EPC2: variants seen among roughly 807,000 people sequenced by gnomAD.
EPC2 encodes the protein enhancer of polycomb homolog 2.
EPC2 carries 14 observed loss-of-function variants against 92.1 expected under a neutral mutation model. That is an observed-to-expected ratio of 0.15 (90% CI 0.10 to 0.24). The LOEUF (loss-of-function observed/expected upper bound fraction) is 0.24. Ranked by LOEUF, EPC2 falls within the 10% of genes least tolerant of loss-of-function variation. EPC2 has a pLI of 1.00. For missense variants in EPC2, 755 were observed against 971.5 expected (o/e 0.78, Z 2.96); for synonymous variants, 340 against 334.7 (o/e 1.02, Z -0.17).
intron 1 of EPC2, among the ~76,000 whole-genome samples, chr2:148,674,578 C>T (rs1030835443): frequency 6.6e-6 from 1 of 152,168 alleles, no homozygotes; most frequent in African/African-American, 2.4e-5. Context: ...TCAGTGGACC[C>T]CAGGTATCCA....
At chr2:148,702,823 A>T (rs1027917621) in intron 2 of EPC2, among the ~76,000 whole-genome samples, 2 of 147,940 alleles carry the variant, frequency 1.4e-5, no homozygotes, top group African/African-American at 5.0e-5. Flanking sequence ...ACACTATGAG[A>T]TTTTTTTTTT....
At chr2:148,741,847 CTCCTTT>C (rs1431782716) in intron 2 of EPC2, among the ~76,000 whole-genome samples, 1 of 152,150 alleles carries the variant, frequency 6.6e-6, no homozygotes, top group African/African-American at 2.4e-5. Flanking sequence ...CTGTGAACCC[CTCCTTT>C]TGTAGTCCCC....
In EPC2 at chr2:148,753,853, T is replaced by C. The variant is rs893629049; in HGVS notation, c.460-74T>C. 3 of 1,328,526 alleles carry C rather than the reference T, an allele frequency of 2.3e-6. No homozygotes were observed. In the African/African-American group the frequency reaches 4.4e-5, roughly 20 times the overall value. The allele number at this position is 1,328,526 out of a possible 1,614,324, so 82.3% of individuals were successfully genotyped here. A position where few individuals can be genotyped will look rare whatever the true frequency, so the allele number is the denominator to read the frequency against. Reference sequence around the variant, plus strand: ...GTTATTGAAACTGGTCGCATTTTTTTCTACAGCCATAAGCTAACTTTTATT... The same window carrying C: ...GTTATTGAAACTGGTCGCATTTTTTCCTACAGCCATAAGCTAACTTTTATT... On this transcript the variant is annotated intron_variant, in intron 3 of 13. Transcript: ENST00000258484.
At chr2:148,710,203 C>G (rs984235085) in intron 2 of EPC2, among the ~76,000 whole-genome samples, 5 of 152,190 alleles carry the variant, frequency 3.3e-5, no homozygotes, top group African/African-American at 1.2e-4. Flanking sequence ...TGAACAGACA[C>G]TTTTCAAAAG....
chr2:148,726,111 C>A (rs1457059875), intron 2 of EPC2, among the ~76,000 whole-genome samples: 1 of 152,134 alleles, frequency 6.6e-6, no homozygotes, highest in Non-Finnish European at 1.5e-5. Context: ...CCTCAAGATT[C>A]ATCCATGTTG....
chr2:148,674,946 A>G (rs1012667957), intron 1 of EPC2, among the ~76,000 whole-genome samples: 2 of 152,130 alleles, frequency 1.3e-5, no homozygotes, highest in African/African-American at 4.8e-5. Context: ...TTTTGTTCCT[A>G]GAAGGTTTTC....
At chr2:148,774,087 C>CT (rs1246857947) in intron 10 of EPC2, among the ~76,000 whole-genome samples, 12 of 152,078 alleles carry the variant, frequency 7.9e-5, no homozygotes, top group Non-Finnish European at 1.3e-4. Context: ...TAACACTGAG[C>CT]TAAACAGATT....
At chr2:148,700,829 T>TA (rs1385855307) in intron 2 of EPC2, among the ~76,000 whole-genome samples, 23 of 152,250 alleles carry the variant, frequency 1.5e-4, no homozygotes, top group African/African-American at 5.5e-4. Context: ...CAAAATAACT[T>TA]ACTGGGATTT....
intron 1 of EPC2, among the ~76,000 whole-genome samples, chr2:148,680,663 A>G (rs1269020939): frequency 6.6e-6 from 1 of 152,202 alleles, no homozygotes; most frequent in Non-Finnish European, 1.5e-5. Context: ...AATTGATGGC[A>G]TTGAGGTAAG....
At chr2:148,646,292 C>A (rs529190500) in intron 1 of EPC2, among the ~76,000 whole-genome samples, 1 of 152,144 alleles carries the variant, frequency 6.6e-6, no homozygotes, top group Non-Finnish European at 1.5e-5. Flanking sequence ...TTTATGCCTT[C>A]GATTGGCTGG....
rs867684471 is a variant in EPC2, at chr2:148,775,831, A to G, written c.1720+4444A>G. Among the ~76,000 whole-genome samples the G allele has an allele frequency of 5.7e-5, 7 of 123,252 alleles. No homozygotes were observed. The East Asian group carries it at 7.1e-4, about 12-fold the overall frequency. 80.9% of individuals were successfully genotyped at this position (123,252 alleles called of 152,430 possible). On this transcript the variant is annotated intron_variant, in intron 10 of 13. Coordinates refer to ENST00000258484, the MANE Select transcript of EPC2 (RefSeq NM_015630.4). ...CTCACTCTGTTACCCAGGCTGGAGT[A>G]CAGTGGCACGATCTCGGCTCACTGC...
chr2:148,662,722 A>G (rs1382060892), intron 1 of EPC2, among the ~76,000 whole-genome samples: 2 of 152,152 alleles, frequency 1.3e-5, no homozygotes, highest in African/African-American at 4.8e-5. Context: ...ATCCTAAATG[A>G]TGAGTTAATG....
At chr2:148,764,744 A>C (rs1245922271) in intron 6 of EPC2, among the ~76,000 whole-genome samples, 1 of 152,000 alleles carries the variant, frequency 6.6e-6, no homozygotes, top group African/African-American at 2.4e-5. Context: ...TGTAAAAAGC[A>C]AATTTAAATA....
intron 1 of EPC2, among the ~76,000 whole-genome samples, chr2:148,660,147 CT>C (rs940516867): frequency 1.3e-5 from 2 of 151,836 alleles, no homozygotes; most frequent in African/African-American, 4.8e-5. Flanking sequence ...TTCTTCCATA[CT>C]TTTTTTCTAT....
chr2:148,775,955 ATT>A (rs902788553), intron 10 of EPC2, among the ~76,000 whole-genome samples: 12 of 150,992 alleles, frequency 7.9e-5, no homozygotes, highest in Middle Eastern at 3.4e-3. Flanking sequence ...TTGTTTTTGT[ATT>A]TTTTTAGTAG....
intron 2 of EPC2, among the ~76,000 whole-genome samples, chr2:148,705,242 A>G (rs1389463265): frequency 6.6e-6 from 1 of 152,136 alleles, no homozygotes; most frequent in African/African-American, 2.4e-5. Context: ...TATAGATTCT[A>G]ACTCTTAAGT....
At chr2:148,737,188 A>C (rs2105401977) in intron 2 of EPC2, among the ~76,000 whole-genome samples, 1 of 152,352 alleles carries the variant, frequency 6.6e-6, no homozygotes, top group Non-Finnish European at 1.5e-5. Flanking sequence ...CTAGAAATGT[A>C]CAGTCACTTT....
intron 1 of EPC2, among the ~76,000 whole-genome samples, chr2:148,665,248 T>C (rs1049047585): frequency 1.3e-5 from 2 of 152,258 alleles, no homozygotes; most frequent in African/African-American, 4.8e-5. Context: ...CTACCCTTAG[T>C]ATTCAAGGAA....
In EPC2 at chr2:148,771,339, T is replaced by A. The variant is rs1320852508; in HGVS notation, c.1672T>A (p.Ser558Thr). Residue 558 changes from serine to threonine, a missense_variant, in exon 10 of 14, where the codon TCT becomes ACT. Transcript: ENST00000258484. ...PGQTVNNKRV[S>T]AASVALLNTS... ...GCAGACTGTGAACAATAAAAGAGTT[T>A]CTGCAGCATCTGTAGCTTTATTGAA... The A allele has an allele frequency of 6.2e-7, 1 of 1,611,334 alleles. No individual in the cohort carries two copies. Among genetic ancestry groups the A allele is most frequent in the Non-Finnish European group, 8.5e-7 (1 of 1,179,118 alleles).
Sources: gnomAD v4.1 joint callset for allele counts (sites outside exome capture counted in the v4.1 genomes callset) on GRCh38, gnomAD v4.1.1 for gene constraint, MANE v1.5 for transcripts, NCBI Gene and HGNC (gene_info 2026-07-23, HGNC 2026-07-21) for gene names.